DNASE1L2: variants seen among roughly 807,000 people sequenced by gnomAD.
DNASE1L2 encodes the protein deoxyribonuclease-1-like 2.
A neutral mutation model predicts 31.8 loss-of-function variants in DNASE1L2; 35 were observed. The ratio of observed to expected loss-of-function variants is 1.10; its 90% CI spans 0.84 to 1.46. The LOEUF is 1.46. DNASE1L2 is among the 40% of genes most tolerant of loss of function. The pLI is 0.00. For missense variants in DNASE1L2, 504 were observed against 418.8 expected (o/e 1.20, Z -1.77); for synonymous variants, 211 against 186.5 (o/e 1.13, Z -1.07).
rs776047305 is a variant in DNASE1L2 at position 2,237,595 on chromosome 16, G to C, written c.537G>C (p.Glu179Asp). 6.2e-7 allele frequency: 1 copy of C among 1,611,574 alleles called. No homozygotes were observed. The highest frequency in any genetic ancestry group is 1.7e-5 in the Admixed American group (1 of 59,932). ...LHAAPHQAVA[E>D]IDALYDVYLD... ...CGGCGCCGCATCAAGCCGTGGCGGA[G>C]ATCGACGCGCTCTACGACGTGTACC... Residue 179 changes from glutamate (E) to aspartate (D), a missense_variant, in exon 5 of 7, where the codon GAG (glutamate) becomes GAC (aspartate). Physicochemically the swap from Glu to Asp is conservative, Grantham distance 45. Coordinates refer to ENST00000320700, the MANE Select transcript of DNASE1L2 (RefSeq NM_001374.3).
Position 2,237,576 on chromosome 16 carries a change from C to T in DNASE1L2, c.518C>T (p.Pro173Leu). ...GTGCTGATCCCGCTGCACGCGGCGC[C>T]GCATCAAGCCGTGGCGGAGATCGAC... ...NLVLIPLHAA[P>L]HQAVAEIDAL... Residue 173 changes from proline to leucine, a missense_variant, in exon 5 of 7, where the codon CCG becomes CTG. Coordinates refer to ENST00000320700, the MANE Select transcript of DNASE1L2 (RefSeq NM_001374.3). The T allele has an allele frequency of 6.2e-7, 1 of 1,611,182 alleles. No individual in the cohort carries two copies. The highest frequency in any genetic ancestry group is 8.5e-7 in the Non-Finnish European group (1 of 1,179,224).
chr16:2,237,718 C>A, intron 5 of DNASE1L2, 49 bp from the exon 6 acceptor site: 1 of 1,594,044 alleles, frequency 6.3e-7, no homozygotes, highest in Non-Finnish European at 8.6e-7. Context: ...GAGGGCGGGA[C>A]CTCGACGGCT....
In DNASE1L2 at chr16:2,236,957, G is replaced by A. The variant is rs1317800512; in HGVS notation, c.141G>A (p.Ala47=). The A allele has an allele frequency of 6.4e-7, 1 of 1,560,706 alleles. No homozygotes were observed. ...VSDPACGSII[A]KILAGYDLAL... is the part of the protein sequence containing the mutation. ...ACCCCGCTTGCGGCAGCATCATCGC[G>A]AAGGTGGGGCCCGGGCCGGGGCGGG... The change falls in exon 2 of 7, where the codon GCG becomes GCA. Residue 47 remains alanine (A), a synonymous_variant. Coordinates refer to ENST00000320700, the MANE Select transcript of DNASE1L2 (RefSeq NM_001374.3).
In DNASE1L2 at chr16:2,236,772, G is replaced by T; in HGVS notation, c.-39-6G>T. The T allele has an allele frequency of 6.5e-7, 1 of 1,545,262 alleles. No homozygotes were observed. The highest frequency in any genetic ancestry group is 1.2e-5 in the South Asian group (1 of 83,800). ...GGTCGGTGGGTCTGACAGCGGGTCTGCGTAGGCGGCAGCGTCTGTCCCTCC... is the reference window on the plus strand; with the variant it reads ...GGTCGGTGGGTCTGACAGCGGGTCTTCGTAGGCGGCAGCGTCTGTCCCTCC... On this transcript the variant is annotated splice_polypyrimidine_tract_variant and splice_region_variant and intron_variant, in intron 1 of 6. Transcript: ENST00000320700.
At position 2,236,730 on chromosome 16, in the gene DNASE1L2, C is replaced by A. The variant is rs980030497; in HGVS notation, c.-39-48C>A. On this transcript the variant is annotated intron_variant, in intron 1 of 6. Coordinates refer to ENST00000320700, the MANE Select transcript of DNASE1L2 (RefSeq NM_001374.3). Reference sequence around the variant, plus strand: ...GTCGCACTGGCCGTCAAGGGGCGGCCGCGGAGGGAAGGGGTGGGTCGGTGG... The same window carrying A: ...GTCGCACTGGCCGTCAAGGGGCGGCAGCGGAGGGAAGGGGTGGGTCGGTGG... The A allele has an allele frequency of 1.0e-5, 15 of 1,449,198 alleles. No homozygotes were observed. The African/African-American group carries it at 1.9e-4, about 18-fold the overall frequency. The allele number at this position is 1,449,198 out of a possible 1,614,324, so 89.8% of individuals were successfully genotyped here.
rs1242627516 is a variant in DNASE1L2 at position 2,237,669 on chromosome 16, C to T, written c.591+20C>T. The T allele has an allele frequency of 7.5e-6, 12 of 1,591,652 alleles. No homozygotes were observed. The highest frequency in any genetic ancestry group is 9.4e-6 in the Non-Finnish European group (11 of 1,166,456). ...ACCGACGTAAGCCCACCCCTCGGTC[C>T]CGGGGTCCCTGCAGGCGCGCCCCGG... On this transcript the variant is annotated intron_variant, in intron 5 of 6. Transcript: ENST00000320700.
At position 2,237,135 on chromosome 16, in the gene DNASE1L2, G is replaced by T. The variant is rs1218499515; in HGVS notation, c.233+9G>T. The T allele has an allele frequency of 6.5e-7, 1 of 1,548,520 alleles. No homozygotes were observed. Among genetic ancestry groups the T allele is most frequent in the Admixed American group, 2.0e-5 (1 of 51,024 alleles). Reference sequence around the variant, plus strand: ...ATGGAGCAGATCAACAGGTGTGGTGGGCAGGGCCCCTCGTCGCGACCCCCC... The same window carrying T: ...ATGGAGCAGATCAACAGGTGTGGTGTGCAGGGCCCCTCGTCGCGACCCCCC... On this transcript the variant is annotated intron_variant, in intron 3 of 6. Coordinates refer to ENST00000320700, the MANE Select transcript of DNASE1L2 (RefSeq NM_001374.3).
rs761490229 is a variant in DNASE1L2, at chr16:2,237,603, C to G, written c.545C>G (p.Ala182Gly). Residue 182 changes from alanine to glycine, a missense_variant, in exon 5 of 7, where the codon GCG (alanine) becomes GGG (glycine). Coordinates refer to ENST00000320700, the MANE Select transcript of DNASE1L2 (RefSeq NM_001374.3). ...CATCAAGCCGTGGCGGAGATCGACGCGCTCTACGACGTGTACCTGGACGTG... is the reference window on the plus strand; with the variant it reads ...CATCAAGCCGTGGCGGAGATCGACGGGCTCTACGACGTGTACCTGGACGTG... ...APHQAVAEID[A>G]LYDVYLDVID... 1.2e-6 allele frequency: 2 copies of G among 1,611,274 alleles called. No homozygotes were observed. The highest frequency in any genetic ancestry group is 2.7e-5 in the African/African-American group (2 of 74,824).
At position 2,238,014 on chromosome 16, in the gene DNASE1L2, C is replaced by G; in HGVS notation, c.839C>G (p.Thr280Ser). ...CAGGAGGAATTCGGCCTGGACCAGACTCAGGCGAGTGGGCCGTGGGGCGGT... is the reference window on the plus strand; with the variant it reads ...CAGGAGGAATTCGGCCTGGACCAGAGTCAGGCGAGTGGGCCGTGGGGCGGT... ...DFQEEFGLDQ[T>S]QALAISDHFP... Residue 280 changes from threonine (T) to serine (S), a missense_variant, in exon 6 of 7, where the codon ACT becomes AGT. Transcript: ENST00000320700. 6.3e-7 allele frequency: 1 copy of G among 1,596,502 alleles called. No individual in the cohort carries two copies. The highest frequency in any genetic ancestry group is 8.5e-7 in the Non-Finnish European group (1 of 1,173,006).
In DNASE1L2 at chr16:2,237,225, G is replaced by A. The variant is rs1248935933; in HGVS notation, c.241G>A (p.Glu81Lys). Reference sequence around the variant, plus strand: ...GGGCCCCTGTCTCCGCAGCGTGTCCGAGCACGAGTACAGCTTTGTGAGCAG... The same window carrying A: ...GGGCCCCTGTCTCCGCAGCGTGTCCAAGCACGAGTACAGCTTTGTGAGCAG... ...ALMEQINSVS[E>K]HEYSFVSSQP... Residue 81 changes from glutamate to lysine, a missense_variant, in exon 4 of 7, where the codon GAG (glutamate) becomes AAG (lysine). Physicochemically the swap from Glu to Lys is moderately conservative, Grantham distance 56 (BLOSUM62 1). Transcript: ENST00000320700. The A allele has an allele frequency of 1.9e-6, 3 of 1,575,526 alleles. No homozygotes were observed. The highest frequency in any genetic ancestry group is 2.6e-6 in the Non-Finnish European group (3 of 1,161,288).
chr16:2,238,018 G>A lies in DNASE1L2; in HGVS notation c.843G>A (p.Gln281=), dbSNP rs1318787752. The change falls in exon 6 of 7, where the codon CAG becomes CAA. Residue 281 remains glutamine (Q), a splice_region_variant and synonymous_variant. Transcript: ENST00000320700. ...FQEEFGLDQT[Q]ALAISDHFPV... ...AGGAATTCGGCCTGGACCAGACTCA[G>A]GCGAGTGGGCCGTGGGGCGGTGCTG... 2.5e-6 allele frequency: 4 copies of A among 1,593,674 alleles called. No individual in the cohort carries two copies. The Admixed American group carries it at 5.2e-5, about 21-fold the overall frequency.
At position 2,237,749 on chromosome 16, in the gene DNASE1L2, G is replaced by A; in HGVS notation, c.592-18G>A. 5.6e-6 allele frequency: 9 copies of A among 1,599,052 alleles called. No individual in the cohort carries two copies. The highest frequency in any genetic ancestry group is 1.3e-5 in the African/African-American group (1 of 74,588). On this transcript the variant is annotated intron_variant, in intron 5 of 6. Coordinates refer to ENST00000320700, the MANE Select transcript of DNASE1L2 (RefSeq NM_001374.3). ...CGGCTCCTGCGGCGGCTCAGACACGGCTCCGCGGCGCCCGCAGGACATGCT... is the reference window on the plus strand; with the variant it reads ...CGGCTCCTGCGGCGGCTCAGACACGACTCCGCGGCGCCCGCAGGACATGCT...
In DNASE1L2 at chr16:2,236,572, G is replaced by A. The variant is rs1186168023; in HGVS notation, c.-40+12G>A. ...CACCCACATCCAAGGTGAGTCTCTC[G>A]GCTGCCCTGAGCTGGGGCTGGATGG... On this transcript the variant is annotated intron_variant, in intron 1 of 6. Coordinates refer to ENST00000320700, the MANE Select transcript of DNASE1L2 (RefSeq NM_001374.3). 7 of 1,286,464 alleles carry A rather than the reference G, an allele frequency of 5.4e-6. No homozygotes were observed. The Admixed American group carries it at 1.5e-4, about 28-fold the overall frequency. The allele number at this position is 1,286,464 out of a possible 1,614,324, so 79.7% of individuals were successfully genotyped here.
intron 6 of DNASE1L2, 124 bp downstream of exon 6, chr16:2,238,142 T>A: frequency 1.4e-6 from 2 of 1,455,996 alleles, no homozygotes; most frequent in African/African-American, 2.8e-5. Context: ...AGGGCTCGTT[T>A]CCAAGGACCC....
In DNASE1L2 at chr16:2,238,422, G is replaced by C. The variant is rs1050502982; in HGVS notation, c.*4G>C. 1 of 1,613,348 alleles carries C rather than the reference G, an allele frequency of 6.2e-7. No individual in the cohort carries two copies. Among genetic ancestry groups the C allele is most frequent in the Non-Finnish European group, 8.5e-7 (1 of 1,180,000 alleles). ...GACCCTCAAGTTCCACCGATGACTC[G>C]AGGCCTGGCTGGGGCATGCCACCTG... On this transcript the variant is annotated 3_prime_UTR_variant, in exon 7 of 7. Transcript: ENST00000320700.
At chr16:2,238,052 T>TC in intron 6 of DNASE1L2, 34 bp downstream of exon 6, 1 of 1,562,770 alleles carries the variant, frequency 6.4e-7, no homozygotes. Flanking sequence ...TGGTCTTGGG[T>TC]CCCCACCGCC....
Position 2,237,425 on chromosome 16 carries a change from G to T in DNASE1L2, c.367G>T (p.Asp123Tyr). 6.3e-7 allele frequency: 1 copy of T among 1,597,908 alleles called. No individual in the cohort carries two copies. Among genetic ancestry groups the T allele is most frequent in the Non-Finnish European group, 8.5e-7 (1 of 1,175,516 alleles). The change falls in exon 5 of 7, where the codon GAC becomes TAC. Residue 123 changes from aspartate to tyrosine, a missense_variant. By Grantham distance (160) the Asp-to-Tyr change is radical. Coordinates refer to ENST00000320700, the MANE Select transcript of DNASE1L2 (RefSeq NM_001374.3). Reference sequence around the variant, plus strand: ...CACCTACCTGTACCCAGACCCCGAGGACGTCTTCAGCCGCGAGCCCTTCGT... The same window carrying T: ...CACCTACCTGTACCCAGACCCCGAGTACGTCTTCAGCCGCGAGCCCTTCGT... ...VDTYLYPDPE[D>Y]VFSREPFVVK... is the part of the protein sequence containing the mutation.
At position 2,237,692 on chromosome 16, in the gene DNASE1L2, C is replaced by CG. The variant is rs1394747514; in HGVS notation, c.591+48dup. On this transcript the variant is annotated intron_variant, in intron 5 of 6. Transcript: ENST00000320700. ...TCCCGGGGTCCCTGCAGGCGCGCCC[C>CG]GGGGGTCTGGTTCATGAGGGCGGGA... is the stretch of plus-strand genomic sequence containing the variant. 3.1e-6 allele frequency: 5 copies of CG among 1,588,684 alleles called. No individual in the cohort carries two copies. The Admixed American group carries it at 8.5e-5, about 27-fold the overall frequency.
At position 2,237,586 on chromosome 16, in the gene DNASE1L2, C is replaced by T; in HGVS notation, c.528C>T (p.Ala176=). Residue 176 remains alanine, a synonymous_variant, in exon 5 of 7, where the codon GCC becomes GCT. Transcript: ENST00000320700. ...CGCTGCACGCGGCGCCGCATCAAGC[C>T]GTGGCGGAGATCGACGCGCTCTACG... ...LIPLHAAPHQ[A]VAEIDALYDV... is the part of the protein sequence containing the mutation. 1 of 1,611,534 alleles carries T rather than the reference C, an allele frequency of 6.2e-7. No individual in the cohort carries two copies. Among genetic ancestry groups the T allele is most frequent in the Non-Finnish European group, 8.5e-7 (1 of 1,179,324 alleles).
Sources: allele counts gnomAD v4.1 joint callset, GRCh38; gene constraint gnomAD v4.1.1; transcripts MANE v1.5; gene names NCBI Gene and HGNC (gene_info 2026-07-23, HGNC 2026-07-21).